The following KIF13A variants were observed in gnomAD, a reference collection of about 807,000 sequenced individuals.
KIF13A encodes kinesin-like protein KIF13A.
A neutral mutation model predicts 212.2 loss-of-function variants in KIF13A; 79 were observed. The observed-to-expected ratio is 0.37, with a 90% CI of 0.31 to 0.45. The LOEUF (loss-of-function observed/expected upper bound fraction) is 0.45, where lower values mean the gene tolerates loss of function less well. Ranked by LOEUF, KIF13A falls within the 20% of genes least tolerant of loss-of-function variation. KIF13A has a pLI of 1.00. For missense variants in KIF13A, 1,901 were observed against 2,209.0 expected (o/e 0.86, Z 2.79); for synonymous variants, 789 against 808.6 (o/e 0.98, Z 0.41).
In KIF13A at chr6:17,951,230, G is replaced by A; in HGVS notation, c.146+35824C>T. On this transcript the variant is annotated intron_variant, in intron 2 of 38. Transcript: ENST00000259711. The surrounding 1 kb of genome is among the most constrained non-coding windows in gnomAD (Gnocchi z 4.9). ...CGTGCAGTGGCTCAAACAGCTCACTGGAGCCTCCTGCCTCAGTCTCCTGAG... is the reference window on the plus strand; with the variant it reads ...CGTGCAGTGGCTCAAACAGCTCACTAGAGCCTCCTGCCTCAGTCTCCTGAG... The A allele has an allele frequency of 1.2e-6, 1 of 833,604 alleles. No homozygotes were observed. Among genetic ancestry groups the A allele is most frequent in the Non-Finnish European group, 1.6e-6 (1 of 607,238 alleles). The allele number at this position is 833,604 out of a possible 1,614,324, so 51.6% of individuals were successfully genotyped here. A position where few individuals can be genotyped will look rare whatever the true frequency, so the allele number is the denominator to read the frequency against.
Position 17,951,478 on chromosome 6 carries a change from C to T in KIF13A, c.146+35576G>A, listed in dbSNP as rs1489273177. On this transcript the variant is annotated intron_variant, in intron 2 of 38. Coordinates refer to ENST00000259711, the MANE Select transcript of KIF13A (RefSeq NM_022113.6). This position sits in a 1 kb window ranked among gnomAD's most constrained non-coding sequence, Gnocchi z 4.9. ...ACAGCTTTAAGATATAATTTATATA[C>T]CATACAATTTACCCACTAAAAGTGT... 1.0e-5 allele frequency: 5 copies of T among 493,538 alleles called. No individual in the cohort carries two copies. The highest frequency in any genetic ancestry group is 1.4e-5 in the Non-Finnish European group (4 of 276,848). 30.6% of individuals were successfully genotyped at this position (493,538 alleles called of 1,614,324 possible).
chr6:17,812,016 T>C (rs1327939557), intron 17 of KIF13A: 1 of 151,488 alleles, frequency 6.6e-6, no homozygotes, highest in Non-Finnish European at 1.5e-5. Flanking sequence ...CATGTGCCAC[T>C]GTACCCGACT....
intron 3 of KIF13A, among the ~76,000 whole-genome samples, chr6:17,877,277 AATTCAATTTTGTTACTTAAACAAAC>A (rs1249087002): frequency 1.3e-5 from 2 of 152,190 alleles, no homozygotes; most frequent in African/African-American, 4.8e-5. Flanking sequence ...CCGAGATCCA[AATTCAATTTTGTTACTTAAACAAAC>A]ATTCACTCTG....
At chr6:17,808,446 C>T (rs1763167120) in intron 18 of KIF13A, among the ~76,000 whole-genome samples, 1 of 152,038 alleles carries the variant, frequency 6.6e-6, no homozygotes, top group Non-Finnish European at 1.5e-5. Flanking sequence ...ATGTATTCCC[C>T]CATTTCAGAA....
At chr6:17,976,129 C>CA (rs1780429506) in intron 2 of KIF13A, among the ~76,000 whole-genome samples, 2 of 152,248 alleles carry the variant, frequency 1.3e-5, no homozygotes, top group Non-Finnish European at 2.9e-5. Flanking sequence ...CAGCTGGCTT[C>CA]ACCCAGTGGA....
At chr6:17,803,922 G>T (rs1298351434) in intron 20 of KIF13A, among the ~76,000 whole-genome samples, 1 of 152,214 alleles carries the variant, frequency 6.6e-6, no homozygotes. Flanking sequence ...GGAAGCCGAG[G>T]CGGGCGGATC....
At chr6:17,906,783 G>C (rs1271260320) in intron 2 of KIF13A, among the ~76,000 whole-genome samples, 1 of 152,090 alleles carries the variant, frequency 6.6e-6, no homozygotes, top group African/African-American at 2.4e-5. Context: ...CACTATTCTT[G>C]CAGTTGGTGA....
rs1023461761 is a variant in KIF13A at position 17,764,310 on chromosome 6, C to T, written c.5218G>A (p.Gly1740Arg). The change falls in exon 39 of 39, where the codon GGA becomes AGA. Residue 1740 changes from glycine to arginine, a missense_variant. Physicochemically the swap from Gly to Arg is moderately radical, Grantham distance 125. Coordinates refer to ENST00000259711, the MANE Select transcript of KIF13A (RefSeq NM_022113.6). This position sits in a 1 kb window ranked among gnomAD's most constrained non-coding sequence, Gnocchi z 5.1. ...LEDHSFTEFM[G>R]VSEGKDFDGL... is the part of the protein sequence containing the mutation. ...TCAAAATCTTTTCCCTCTGACACTCCCATAAATTCTGTGAAAGAATGGTCT... is the reference window on the plus strand; with the variant it reads ...TCAAAATCTTTTCCCTCTGACACTCTCATAAATTCTGTGAAAGAATGGTCT... 1.9e-6 allele frequency: 3 copies of T among 1,613,876 alleles called. No individual in the cohort carries two copies. The African/African-American group carries it at 4.0e-5, about 22-fold the overall frequency.
At chr6:17,806,710 C>T (rs910931146) in intron 18 of KIF13A, among the ~76,000 whole-genome samples, 1 of 151,960 alleles carries the variant, frequency 6.6e-6, no homozygotes, top group South Asian at 2.1e-4. Flanking sequence ...TGAAACCCTG[C>T]CTCTACTAAA....
In KIF13A at chr6:17,856,312, G is replaced by A. The variant is rs948515817; in HGVS notation, c.221-190C>T. 5.9e-5 allele frequency among the ~76,000 whole-genome samples: 9 copies of A among 152,146 alleles called. No individual in the cohort carries two copies. Among genetic ancestry groups the A allele is most frequent in the African/African-American group, 2.2e-4 (9 of 41,428 alleles). Reference sequence around the variant, plus strand: ...ATCCACACTTCTAAACTACAGCTCAGTACCTGGATACACTGTTTCCCTCTA... The same window carrying A: ...ATCCACACTTCTAAACTACAGCTCAATACCTGGATACACTGTTTCCCTCTA... On this transcript the variant is annotated intron_variant, in intron 4 of 38. Coordinates refer to ENST00000259711, the MANE Select transcript of KIF13A (RefSeq NM_022113.6). This position sits in a 1 kb window ranked among gnomAD's most constrained non-coding sequence, Gnocchi z 4.5.
At chr6:17,859,645 T>A (rs967346886) in intron 4 of KIF13A, among the ~76,000 whole-genome samples, 43 of 137,834 alleles carry the variant, frequency 3.1e-4, no homozygotes, top group African/African-American at 5.8e-4. Context: ...TATATTTTTT[T>A]TTTTTTTTTG....
intron 2 of KIF13A, among the ~76,000 whole-genome samples, chr6:17,940,817 ATTTTTTTT>A (rs11325656): frequency 6.4e-5 from 9 of 140,588 alleles, no homozygotes; most frequent in South Asian, 4.4e-4. Context: ...ATGTAAATTT[ATTTTTTTT>A]TTTTTTTTTT....
Position 17,785,500 on chromosome 6 carries a change from G to A in KIF13A, c.3488+15C>T. 1 of 1,544,968 alleles carries A rather than the reference G, an allele frequency of 6.5e-7. No individual in the cohort carries two copies. The highest frequency in any genetic ancestry group is 8.7e-7 in the Non-Finnish European group (1 of 1,149,220). ...CCATCTCCCCAGGTCTGCACAGAAGGGAGGGCAGCCTTACCAGTCGGCAGG... is the reference window on the plus strand; with the variant it reads ...CCATCTCCCCAGGTCTGCACAGAAGAGAGGGCAGCCTTACCAGTCGGCAGG... On this transcript the variant is annotated intron_variant, in intron 28 of 38. Transcript: ENST00000259711. The surrounding 1 kb of genome is among the most constrained non-coding windows in gnomAD (Gnocchi z 5.8).
Position 17,837,126 on chromosome 6 carries a change from A to G in KIF13A, c.943-36T>C, listed in dbSNP as rs1766038441. 1 of 1,565,800 alleles carries G rather than the reference A, an allele frequency of 6.4e-7. No individual in the cohort carries two copies. The highest frequency in any genetic ancestry group is 8.8e-7 in the Non-Finnish European group (1 of 1,137,328). Reference sequence around the variant, plus strand: ...TTTCAAACAGCATCTTAGGAAGCCCATTCCATGGACAACACATATGATAAA... The same window carrying G: ...TTTCAAACAGCATCTTAGGAAGCCCGTTCCATGGACAACACATATGATAAA... On this transcript the variant is annotated intron_variant, in intron 10 of 38. Transcript: ENST00000259711. The surrounding 1 kb of genome is among the most constrained non-coding windows in gnomAD (Gnocchi z 5.4).
rs34454897 is a variant in KIF13A at position 17,984,465 on chromosome 6, G to GTT, written c.146+2588_146+2589insAA. On this transcript the variant is annotated intron_variant, in intron 2 of 38. Coordinates refer to ENST00000259711, the MANE Select transcript of KIF13A (RefSeq NM_022113.6). The surrounding 1 kb of genome is among the most constrained non-coding windows in gnomAD (Gnocchi z 5.0). Reference sequence around the variant, plus strand: ...ACCTATGCAATGTATTACAATACTAGAATTTCAGCAACAAAACAAACATCT... The same window carrying GTT: ...ACCTATGCAATGTATTACAATACTAGTTAATTTCAGCAACAAAACAAACATCT... The GTT allele has an allele frequency of 0.079, 75,004 of 950,490 alleles. 3,345 individuals are homozygous for GTT. Among genetic ancestry groups the GTT allele is most frequent in the East Asian group, 0.18 (1,528 of 8,616 alleles). The allele number at this position is 950,490 out of a possible 1,614,324, so 58.9% of individuals were successfully genotyped here. A position where few individuals can be genotyped will look rare whatever the true frequency, so the allele number is the denominator to read the frequency against.
At chr6:17,885,624 C>T (rs1486967855) in intron 3 of KIF13A, among the ~76,000 whole-genome samples, 1 of 152,150 alleles carries the variant, frequency 6.6e-6, no homozygotes, top group East Asian at 1.9e-4. Flanking sequence ...TCTATGGATG[C>T]AAGGAGAAGG....
rs1375233699 is a variant in KIF13A, at chr6:17,838,245, C to T, written c.831-662G>A. On this transcript the variant is annotated intron_variant, in intron 9 of 38. Coordinates refer to ENST00000259711, the MANE Select transcript of KIF13A (RefSeq NM_022113.6). The surrounding 1 kb of genome is among the most constrained non-coding windows in gnomAD (Gnocchi z 4.2). ...CTGAGGCAGGAAAATTGCTTGAACC[C>T]GGGAGGCGGAGGCTGCAGTGAGCCA... Among the ~76,000 whole-genome samples, 7 of 151,584 alleles carry T rather than the reference C, an allele frequency of 4.6e-5. No individual in the cohort carries two copies. The highest frequency in any genetic ancestry group is 2.1e-4 in the South Asian group (1 of 4,772).
intron 3 of KIF13A, among the ~76,000 whole-genome samples, chr6:17,874,999 G>GCGCGCGCGCACACACACA (rs913365480): frequency 1.8e-4 from 22 of 120,266 alleles, no homozygotes; most frequent in African/African-American, 6.1e-4. Context: ...ACACGCACAC[G>GCGCGCGCGCACACACACA]CACGCACACA....
chr6:17,768,796 T>TG lies in KIF13A; in HGVS notation c.4581+2317dup, dbSNP rs1403653162. Among the ~76,000 whole-genome samples, 4 of 152,222 alleles carry TG rather than the reference T, an allele frequency of 2.6e-5. No individual in the cohort carries two copies. The highest frequency in any genetic ancestry group is 4.4e-5 in the Non-Finnish European group (3 of 68,042). On this transcript the variant is annotated intron_variant, in intron 38 of 38. Transcript: ENST00000259711. This position sits in a 1 kb window ranked among gnomAD's most constrained non-coding sequence, Gnocchi z 5.4. ...CCTAACGGAAAGGTCGTGTGGATAC[T>TG]GGGAAAAATCACTGACTTTCTTTCT...
Sources: allele counts gnomAD v4.1 joint callset (sites outside exome capture counted in the v4.1 genomes callset), GRCh38; gene constraint gnomAD v4.1.1; non-coding constraint Gnocchi (gnomAD v3.1); transcripts MANE v1.5; gene names NCBI Gene and HGNC (gene_info 2026-07-23, HGNC 2026-07-21).